Variants in ANK3 observed in about 807,000 individuals in gnomAD.
ANK3 encodes ankyrin-3.
ANK3 carries 57 observed loss-of-function variants against 370.9 expected under a neutral mutation model. The ratio of observed to expected loss-of-function variants is 0.15; its 90% CI spans 0.12 to 0.19. ANK3 has a LOEUF of 0.19. ANK3 is among the 10% of genes least tolerant of loss of function. The pLI is 1.00. For synonymous variants in ANK3, 1,929 were observed against 1,946.3 expected, an observed-to-expected ratio of 0.99 and a Z score of 0.23; for missense variants, 4,439 against 5,302.1, an observed-to-expected ratio of 0.84 and a Z score of 5.06.
intron 1 of ANK3, among the ~76,000 whole-genome samples, chr10:60,324,345 C>G (rs1198699517): frequency 2.0e-5 from 3 of 152,182 alleles, no homozygotes; most frequent in African/African-American, 4.8e-5. Context: ...TCATCTGGAT[C>G]TCCAGTTTAA....
intron 2 of ANK3, among the ~76,000 whole-genome samples, chr10:60,577,677 GTCT>G (rs2077699954): frequency 1.3e-5 from 2 of 152,112 alleles, no homozygotes; most frequent in African/African-American, 4.8e-5. Flanking sequence ...TAAGTACCCA[GTCT>G]CAGGTGTGTC....
intron 23 of ANK3, among the ~76,000 whole-genome samples, chr10:60,159,390 T>C (rs1343449062): frequency 6.6e-6 from 1 of 152,058 alleles, no homozygotes; most frequent in Non-Finnish European, 1.5e-5. Context: ...TATAAATATA[T>C]ACACACCAAA....
chr10:60,143,877 A>G (rs1289864147), intron 23 of ANK3, among the ~76,000 whole-genome samples: 2 of 152,224 alleles, frequency 1.3e-5, no homozygotes, highest in African/African-American at 2.4e-5. Flanking sequence ...AGATCTGACT[A>G]TGATGATAGC....
chr10:60,138,545 C>T (rs1400065222), intron 24 of ANK3: 16 of 404,006 alleles, frequency 4.0e-5, no homozygotes. Flanking sequence ...CTCTTTTAAT[C>T]ATGAATTATT....
intron 2 of ANK3, among the ~76,000 whole-genome samples, chr10:60,493,629 GT>G (rs971935457): frequency 2.0e-5 from 3 of 151,988 alleles, no homozygotes; most frequent in Non-Finnish European, 4.4e-5. Context: ...GTCAAGTTGA[GT>G]TTTTTTAGAG....
intron 1 of ANK3, among the ~76,000 whole-genome samples, chr10:60,378,823 C>A (rs2061157945): frequency 6.6e-6 from 1 of 151,366 alleles, no homozygotes; most frequent in South Asian, 2.1e-4. Flanking sequence ...CTCAAAAGCA[C>A]AGGCAAAAGA....
chr10:60,560,726 T>C (rs2077316496), intron 2 of ANK3, among the ~76,000 whole-genome samples: 1 of 152,180 alleles, frequency 6.6e-6, no homozygotes, highest in Non-Finnish European at 1.5e-5. Flanking sequence ...GATAGGCATC[T>C]CTGTTGGGGG....
At chr10:60,437,466 C>A (rs1044219599) in intron 2 of ANK3, among the ~76,000 whole-genome samples, 4 of 152,062 alleles carry the variant, frequency 2.6e-5, no homozygotes, top group South Asian at 2.1e-4. Flanking sequence ...GGCCAGGGAC[C>A]CAAAAGCAGA....
chr10:60,334,187 C>A (rs1033870862), intron 1 of ANK3, among the ~76,000 whole-genome samples: 3 of 152,206 alleles, frequency 2.0e-5, no homozygotes, highest in African/African-American at 7.2e-5. Context: ...TATACTTTTT[C>A]CCCTAATAAA....
intron 14 of ANK3, 26 bp downstream of exon 14, chr10:60,198,314 C>A: frequency 6.2e-7 from 1 of 1,612,042 alleles, no homozygotes. Context: ...GGGGACAGAG[C>A]AGGATTCTGA....
At chr10:60,324,023 T>A (rs79199853) in intron 1 of ANK3, among the ~76,000 whole-genome samples, 2 of 151,972 alleles carry the variant, frequency 1.3e-5, no homozygotes, top group Non-Finnish European at 2.9e-5. Context: ...AAGCAATGAA[T>A]GTGAGCAACT....
At chr10:60,368,521 G>A (rs967301451) in intron 1 of ANK3, among the ~76,000 whole-genome samples, 1 of 152,044 alleles carries the variant, frequency 6.6e-6, no homozygotes, top group Non-Finnish European at 1.5e-5. Flanking sequence ...GATCATCTAC[G>A]CCCTACACAA....
At chr10:60,283,959 T>A (rs376365470) in intron 1 of ANK3, among the ~76,000 whole-genome samples, 6 of 152,214 alleles carry the variant, frequency 3.9e-5, no homozygotes, top group African/African-American at 1.4e-4. Context: ...ATGTAGTGGG[T>A]TGAATGGTGT....
intron 1 of ANK3, among the ~76,000 whole-genome samples, chr10:60,670,192 G>A (rs1468653325): frequency 6.6e-6 from 1 of 152,056 alleles, no homozygotes; most frequent in East Asian, 1.9e-4. Flanking sequence ...CCAAACAACT[G>A]AAATGTACAT....
chr10:60,181,504 G>T, intron 17 of ANK3, 77 bp from the exon 18 acceptor site: 2 of 1,356,456 alleles, frequency 1.5e-6, no homozygotes, highest in Non-Finnish European at 2.1e-6. Flanking sequence ...GAAACCATTT[G>T]TGAATTCTAA....
At chr10:60,660,916 A>G (rs1564507993) in intron 1 of ANK3, among the ~76,000 whole-genome samples, 1 of 151,908 alleles carries the variant, frequency 6.6e-6, no homozygotes, top group African/African-American at 2.4e-5. Flanking sequence ...TTAAATACAC[A>G]CTCACACACA....
At chr10:60,262,916 G>A (rs1490574980) in intron 6 of ANK3, among the ~76,000 whole-genome samples, 3 of 152,082 alleles carry the variant, frequency 2.0e-5, no homozygotes, top group Admixed American at 6.6e-5. Context: ...CAAACACCAG[G>A]TTCAGCTGCA....
At chr10:60,440,531 G>A (rs960564232) in intron 2 of ANK3, among the ~76,000 whole-genome samples, 1 of 151,992 alleles carries the variant, frequency 6.6e-6, no homozygotes, top group Non-Finnish European at 1.5e-5. Flanking sequence ...CAGCATGGGG[G>A]GAACCACCCC....
intron 7 of ANK3, among the ~76,000 whole-genome samples, chr10:60,250,566 C>T (rs191836352): frequency 6.2e-4 from 94 of 152,124 alleles, no homozygotes; most frequent in Non-Finnish European, 1.0e-3. Context: ...GGAGTTTCAC[C>T]ATGTTAGCCA....
Sources: gnomAD v4.1 joint callset for allele counts (sites outside exome capture counted in the v4.1 genomes callset) on GRCh38, gnomAD v4.1.1 for gene constraint, MANE v1.5 for transcripts, NCBI Gene and HGNC (gene_info 2026-07-23, HGNC 2026-07-21) for gene names.